ZFHX3: variants seen among roughly 807,000 people sequenced by gnomAD.
ZFHX3 encodes zinc finger homeobox 3.
In ZFHX3, 42 loss-of-function variants were observed where a neutral mutation model predicts 279.1. That is an observed-to-expected ratio of 0.15 (90% CI 0.12 to 0.19). ZFHX3 has a LOEUF of 0.19. ZFHX3 is among the 10% of genes least tolerant of loss of function. The probability of loss-of-function intolerance (pLI) is 1.00; values close to 1 mark genes in which losing one functional copy is unlikely to be tolerated. For synonymous variants in ZFHX3, 2,293 were observed against 1,957.8 expected (o/e 1.17, Z -4.52); for missense variants, 4,981 against 4,754.0 (o/e 1.05, Z -1.40).
intron 1 of ZFHX3, among the ~76,000 whole-genome samples, chr16:73,887,938 T>C (rs1438291043): frequency 6.6e-6 from 1 of 152,194 alleles, no homozygotes; most frequent in African/African-American, 2.4e-5. Context: ...AGTCCTCATC[T>C]TAGGTTGGAC....
intron 3 of ZFHX3, among the ~76,000 whole-genome samples, chr16:72,919,984 G>A (rs888017723): frequency 4.6e-5 from 7 of 151,056 alleles, no homozygotes; most frequent in East Asian, 2.0e-4. Context: ...TAGTAGAGAC[G>A]GGGTTTCACT....
chr16:72,973,169 G>T (rs528328603), intron 1 of ZFHX3, among the ~76,000 whole-genome samples: 1 of 152,172 alleles, frequency 6.6e-6, no homozygotes, highest in Non-Finnish European at 1.5e-5. Context: ...GACTCAGCAT[G>T]GCTCAACATG....
chr16:73,465,820 T>C (rs571166622), intron 2 of ZFHX3, among the ~76,000 whole-genome samples: 2 of 152,316 alleles, frequency 1.3e-5, no homozygotes, highest in East Asian at 1.9e-4. Context: ...TGAATTACTC[T>C]GAATGGACTG....
chr16:72,972,300 C>T (rs976513112), intron 1 of ZFHX3, among the ~76,000 whole-genome samples: 2 of 152,116 alleles, frequency 1.3e-5, no homozygotes, highest in African/African-American at 4.8e-5. Flanking sequence ...TCCTACCAGT[C>T]CACCATCCTA....
intron 7 of ZFHX3, chr16:73,130,869 A>G: frequency 9.5e-7 from 1 of 1,048,560 alleles, no homozygotes; most frequent in South Asian, 1.8e-5. Context: ...CGGCCTCCCA[A>G]AGTGCTGGGA....
chr16:73,091,748 T>C (rs376632790), intron 8 of ZFHX3, among the ~76,000 whole-genome samples: 28 of 152,320 alleles, frequency 1.8e-4, no homozygotes, highest in Admixed American at 1.1e-3. Context: ...CATTTGACAG[T>C]GCCACTTAAT....
At chr16:73,019,395 C>T (rs1038496753) in intron 1 of ZFHX3, among the ~76,000 whole-genome samples, 13 of 152,084 alleles carry the variant, frequency 8.5e-5, no homozygotes, top group Non-Finnish European at 1.6e-4. Flanking sequence ...TCTGCACGCG[C>T]ACCTGAGTGC....
At position 72,785,985 on chromosome 16, in the gene ZFHX3, T is replaced by C. The variant is rs976769439; in HGVS notation, c.*1179A>G. ...TCCCTTGAAATTCTTTCTTTAGTTT[T>C]ATAAAATAATTCTGCAGCTCCCTCT... On this transcript the variant is annotated 3_prime_UTR_variant, in exon 10 of 10. Transcript: ENST00000268489. The C allele has an allele frequency of 6.6e-6, 1 of 152,210 alleles. No homozygotes were observed. Among genetic ancestry groups the C allele is most frequent in the Admixed American group, 6.5e-5 (1 of 15,274 alleles). The allele number at this position is 152,210 out of a possible 1,614,324, so 9.4% of individuals were successfully genotyped here. A position where few individuals can be genotyped will look rare whatever the true frequency, so the allele number is the denominator to read the frequency against.
chr16:73,404,530 G>A (rs577830369), intron 3 of ZFHX3, among the ~76,000 whole-genome samples: 8 of 152,300 alleles, frequency 5.3e-5, no homozygotes, highest in Non-Finnish European at 1.0e-4. Context: ...CACATCACCT[G>A]CAGGTTTGCA....
chr16:72,938,295 C>T (rs1288815681), intron 3 of ZFHX3, among the ~76,000 whole-genome samples: 3 of 152,274 alleles, frequency 2.0e-5, no homozygotes, highest in African/African-American at 7.2e-5. Flanking sequence ...ATCTCAGCAA[C>T]GCAGGGCGTG....
At position 72,795,342 on chromosome 16, in the gene ZFHX3, T is replaced by C. The variant is rs770722147; in HGVS notation, c.7340A>G (p.Gln2447Arg). ...CTGCAGCTCTGGCTTTGGTTGTCCT[T>C]GCTTTTCTTGGGTTTGGTTTGGCTG... ...SAQPNQTQEK[Q>R]GQPKPELQQQ... Residue 2447 changes from glutamine to arginine, a missense_variant, in exon 9 of 10, where the codon CAA (glutamine) becomes CGA (arginine). Transcript: ENST00000268489. 1 of 1,614,126 alleles carries C rather than the reference T, an allele frequency of 6.2e-7. No individual in the cohort carries two copies.
intron 2 of ZFHX3, among the ~76,000 whole-genome samples, chr16:73,653,892 G>C (rs1457880560): frequency 2.0e-5 from 3 of 152,096 alleles, no homozygotes; most frequent in African/African-American, 7.2e-5. Context: ...TCATTAAAAA[G>C]ATAAAAAGAG....
intron 2 of ZFHX3, among the ~76,000 whole-genome samples, chr16:73,603,281 T>C (rs540375773): frequency 3.6e-5 from 5 of 138,382 alleles, no homozygotes; most frequent in Non-Finnish European, 7.6e-5. Context: ...CGAGACTCCA[T>C]CTCAAAAAAA....
At chr16:73,723,707 T>C (rs2639309) in intron 1 of ZFHX3, among the ~76,000 whole-genome samples, 132,620 of 152,214 alleles carry the variant, frequency 0.87, 58,708 homozygotes, top group Non-Finnish European at 0.95. Context: ...CAAATCATTA[T>C]AGGCCTAGTT....
chr16:73,174,924 C>T (rs1057420640), intron 5 of ZFHX3, among the ~76,000 whole-genome samples: 5 of 150,340 alleles, frequency 3.3e-5, no homozygotes, highest in Admixed American at 1.3e-4. Flanking sequence ...ATCCCAGCTA[C>T]TCGGGAGGCA....
In ZFHX3 at chr16:72,794,071, G is replaced by A. The variant is rs1220734896; in HGVS notation, c.8611C>T (p.Pro2871Ser). 3.7e-6 allele frequency: 6 copies of A among 1,614,204 alleles called. No homozygotes were observed. Among genetic ancestry groups the A allele is most frequent in the South Asian group, 1.1e-5 (1 of 91,084 alleles). ...IATETKSSSA[P>S]NEGLTKAAMM... ...GCCGCTTTGGTCAACCCTTCGTTGG[G>A]TGCAGAAGAGGATTTGGTTTCAGTT... Residue 2871 changes from proline to serine, a missense_variant, in exon 9 of 10, where the codon CCC (proline) becomes TCC (serine). This residue lies in a region of ZFHX3 where 744 missense variants were observed against 701.3 expected (regional missense o/e 1.06). Transcript: ENST00000268489. This position sits in a 1 kb window ranked among gnomAD's most constrained non-coding sequence, Gnocchi z 4.2.
At chr16:73,371,646 C>T (rs929990848) in intron 3 of ZFHX3, among the ~76,000 whole-genome samples, 1 of 152,124 alleles carries the variant, frequency 6.6e-6, no homozygotes, top group African/African-American at 2.4e-5. Context: ...CTGTAGCAAG[C>T]ACTAGTGAGG....
intron 2 of ZFHX3, among the ~76,000 whole-genome samples, chr16:73,521,363 T>C (rs752398568): frequency 6.6e-6 from 1 of 152,212 alleles, no homozygotes; most frequent in Non-Finnish European, 1.5e-5. Flanking sequence ...CTGCCATTGA[T>C]AATAGCAATA....
At chr16:73,604,862 G>C (rs12596187) in intron 2 of ZFHX3, among the ~76,000 whole-genome samples, 136,147 of 152,194 alleles carry the variant, frequency 0.89, 62,098 homozygotes, top group East Asian at 1. Flanking sequence ...TTTTGGTCAC[G>C]ATGTCTGGAC....
Sources: allele counts gnomAD v4.1 joint callset (sites outside exome capture counted in the v4.1 genomes callset), GRCh38; gene constraint gnomAD v4.1.1; regional missense constraint gnomAD v4.1.1; non-coding constraint Gnocchi (gnomAD v3.1); transcripts MANE v1.5; gene names NCBI Gene and HGNC (gene_info 2026-07-23, HGNC 2026-07-21).